SP100: variants seen among roughly 807,000 people sequenced by gnomAD.
The protein encoded by SP100 is nuclear autoantigen Sp-100.
SP100 carries 84 observed loss-of-function variants against 130.0 expected under a neutral mutation model. That is an observed-to-expected ratio of 0.65 (90% confidence interval 0.54 to 0.77). The LOEUF (loss-of-function observed/expected upper bound fraction) is 0.77, where lower values mean the gene tolerates loss of function less well. SP100 is among the 30% of genes least tolerant of loss of function. SP100 has a pLI of 0.00. For synonymous variants in SP100, 331 were observed against 351.7 expected (o/e 0.94, Z 0.66); for missense variants, 978 against 1,052.2 (o/e 0.93, Z 0.97).
intron 2 of SP100, among the ~76,000 whole-genome samples, chr2:230,442,134 G>A (rs1295836772): frequency 1.3e-5 from 2 of 152,008 alleles, no homozygotes; most frequent in African/African-American, 4.8e-5. Context: ...CTTCTAGTTG[G>A]GAAGGAAGGG....
At chr2:230,524,195 A>AAAAAAAAAAAG (rs1559534582) in intron 24 of SP100, among the ~76,000 whole-genome samples, 3 of 143,228 alleles carry the variant, frequency 2.1e-5, no homozygotes, top group East Asian at 2.0e-4. Flanking sequence ...AAAAAAAAAA[A>AAAAAAAAAAAG]AAAAAAGAAA....
intron 7 of SP100, among the ~76,000 whole-genome samples, chr2:230,449,967 G>C (rs2063893631): frequency 6.6e-6 from 1 of 152,156 alleles, no homozygotes; most frequent in African/African-American, 2.4e-5. Flanking sequence ...AAAGAAGAGA[G>C]ACAAACAAAA....
At chr2:230,468,980 A>G in intron 13 of SP100, 63 bp from the exon 14 acceptor site, 1 of 977,086 alleles carries the variant, frequency 1.0e-6, no homozygotes, top group Non-Finnish European at 1.6e-6. Context: ...CAGTGTAAGC[A>G]GTCATAAGAT....
At chr2:230,502,600 G>A (rs982743294) in intron 19 of SP100, among the ~76,000 whole-genome samples, 6 of 152,176 alleles carry the variant, frequency 3.9e-5, no homozygotes, top group Admixed American at 1.3e-4. Context: ...CACTGAATAC[G>A]TGTTCAACTT....
In SP100 at chr2:230,535,089, G is replaced by A. The variant is rs145326703; in HGVS notation, c.2095-4178G>A. 3.4e-3 allele frequency among the ~76,000 whole-genome samples: 524 copies of A among 152,264 alleles called. 5 individuals are homozygous for A. The highest frequency in any genetic ancestry group is 0.012 in the African/African-American group (501 of 41,552). Reference sequence around the variant, plus strand: ...CAGGCACCTGTAGTCCCAGCTACTCGGGAGTCTGAGGCAGGAGAATTCCTT... The same window carrying A: ...CAGGCACCTGTAGTCCCAGCTACTCAGGAGTCTGAGGCAGGAGAATTCCTT... On this transcript the variant is annotated intron_variant, in intron 24 of 28. Transcript: ENST00000340126.
At chr2:230,445,767 G>A (rs113073399) in intron 4 of SP100, among the ~76,000 whole-genome samples, 3,166 of 152,228 alleles carry the variant, frequency 0.021, 130 homozygotes, top group African/African-American at 0.073. Context: ...ACATTCTCAG[G>A]GGCTCTGTTC....
intron 24 of SP100, among the ~76,000 whole-genome samples, chr2:230,519,811 T>G (rs1368803555): frequency 6.6e-6 from 1 of 152,194 alleles, no homozygotes. Flanking sequence ...TGGTAATACA[T>G]CAGCTTAGGC....
chr2:230,490,862 G>A (rs1386790373), intron 17 of SP100, among the ~76,000 whole-genome samples: 1 of 152,142 alleles, frequency 6.6e-6, no homozygotes, highest in Non-Finnish European at 1.5e-5. Context: ...TCTGCTGTTA[G>A]TCTGATGGGC....
At chr2:230,473,597 CAA>C (rs1213346717) in intron 16 of SP100, among the ~76,000 whole-genome samples, 157 bp downstream of exon 16, 1 of 152,176 alleles carries the variant, frequency 6.6e-6, no homozygotes, top group Non-Finnish European at 1.5e-5. Context: ...TTCAGAATTT[CAA>C]AAGTCTGAAA....
chr2:230,501,930 G>A (rs541998643), intron 19 of SP100, among the ~76,000 whole-genome samples: 44 of 152,202 alleles, frequency 2.9e-4, no homozygotes, highest in African/African-American at 9.4e-4. Context: ...GTACAGTGGC[G>A]TGATCTTGGC....
At chr2:230,441,017 A>G (rs2063448971) in intron 2 of SP100, among the ~76,000 whole-genome samples, 1 of 152,162 alleles carries the variant, frequency 6.6e-6, no homozygotes, top group African/African-American at 2.4e-5. Context: ...AAAAGACATG[A>G]TTAAGAAAAT....
intron 23 of SP100, 121 bp downstream of exon 23, chr2:230,508,152 C>A: frequency 6.7e-7 from 1 of 1,489,338 alleles, no homozygotes; most frequent in Non-Finnish European, 9.0e-7. Context: ...TAATATGATG[C>A]TTTTGCAGTT....
intron 24 of SP100, among the ~76,000 whole-genome samples, chr2:230,532,822 C>A (rs1381919421): frequency 6.6e-6 from 1 of 151,988 alleles, no homozygotes; most frequent in Non-Finnish European, 1.5e-5. Flanking sequence ...GCTCTTTCAC[C>A]CAGGCTGGAG....
chr2:230,417,379 A>G (rs1186456666), intron 1 of SP100, among the ~76,000 whole-genome samples: 1 of 152,250 alleles, frequency 6.6e-6, no homozygotes, highest in Admixed American at 6.5e-5. Flanking sequence ...TAGAATTGAT[A>G]TATGATAATT....
Position 230,539,353 on chromosome 2 carries a change from C to T in SP100, c.2181C>T (p.His727=). Residue 727 remains histidine (H), a synonymous_variant, in exon 25 of 29, where the codon CAC becomes CAT. Coordinates refer to ENST00000340126, the MANE Select transcript of SP100 (RefSeq NM_001080391.2). The stretch of plus-strand genomic sequence containing the variant: ...CTTGTCCAAGATCCTTTCATGAGCA[C>T]TGCCACATCCCATCCGTGGAAGCTA... ...CDTCPRSFHE[H]CHIPSVEANK... The T allele has an allele frequency of 1.2e-6, 2 of 1,613,762 alleles. No individual in the cohort carries two copies. The highest frequency in any genetic ancestry group is 1.7e-6 in the Non-Finnish European group (2 of 1,179,684).
At chr2:230,460,259 T>C (rs980352433) in intron 8 of SP100, among the ~76,000 whole-genome samples, 1 of 152,130 alleles carries the variant, frequency 6.6e-6, no homozygotes. Context: ...GAATAAATAA[T>C]TCATGGCTTA....
intron 22 of SP100, 76 bp downstream of exon 22, chr2:230,506,521 C>G (rs1272274654): frequency 6.8e-7 from 1 of 1,475,194 alleles, no homozygotes; most frequent in Non-Finnish European, 9.3e-7. Context: ...AGCAGAATTT[C>G]TCAGTGCCCA....
At chr2:230,510,464 T>C (rs916891615) in intron 23 of SP100, 1 of 138,206 alleles carries the variant, frequency 7.2e-6, no homozygotes, top group Admixed American at 7.8e-5. Flanking sequence ...CTGGATGGAA[T>C]GACACTTCCT....
chr2:230,438,422 TC>T (rs1371236385), intron 2 of SP100, among the ~76,000 whole-genome samples: 4 of 151,948 alleles, frequency 2.6e-5, no homozygotes, highest in Admixed American at 1.3e-4. Context: ...TATCTGTCAC[TC>T]CCCTCCCACC....
Sources: gnomAD v4.1 joint callset for allele counts (sites outside exome capture counted in the v4.1 genomes callset) on GRCh38, gnomAD v4.1.1 for gene constraint, MANE v1.5 for transcripts, NCBI Gene and HGNC (gene_info 2026-07-23, HGNC 2026-07-21) for gene names.